Variants in AGBL1 observed in about 807,000 individuals in gnomAD.
AGBL1 encodes the protein AGBL carboxypeptidase 1.
In AGBL1, 130 loss-of-function variants were observed where a neutral mutation model predicts 118.9. The ratio of observed to expected loss-of-function variants is 1.09; its 90% CI spans 0.95 to 1.26. AGBL1 has a LOEUF of 1.26. Among genes scored for constraint, AGBL1 ranks in the 50% most tolerant of loss-of-function variants. AGBL1 has a pLI of 0.00. For synonymous variants in AGBL1, 555 were observed against 478.9 expected (o/e 1.16, Z -2.08); for missense variants, 1,584 against 1,298.1 (o/e 1.22, Z -3.38).
At chr15:86,315,365 C>T (rs2079986180) in intron 17 of AGBL1, among the ~76,000 whole-genome samples, 1 of 152,126 alleles carries the variant, frequency 6.6e-6, no homozygotes, top group Admixed American at 6.6e-5. Context: ...GCCTCAGTTT[C>T]ATCATCTGTA....
intron 16 of AGBL1, among the ~76,000 whole-genome samples, chr15:86,280,746 G>A (rs2079338698): frequency 6.6e-6 from 1 of 152,176 alleles, no homozygotes; most frequent in Non-Finnish European, 1.5e-5. Context: ...AAAGGAATGT[G>A]CAGGTATAAA....
intron 17 of AGBL1, among the ~76,000 whole-genome samples, chr15:86,326,580 T>C (rs1236898739): frequency 6.6e-6 from 1 of 152,236 alleles, no homozygotes; most frequent in Non-Finnish European, 1.5e-5. Context: ...TTTTCTTTTC[T>C]TTTCTTTTCT....
At chr15:86,213,221 A>G (rs1399564364) in intron 5 of AGBL1, among the ~76,000 whole-genome samples, 1 of 152,166 alleles carries the variant, frequency 6.6e-6, no homozygotes, top group Non-Finnish European at 1.5e-5. Context: ...ATGTTTATGA[A>G]ATCTTTTCTT....
intron 22 of AGBL1, among the ~76,000 whole-genome samples, chr15:86,814,245 C>A (rs2078830107): frequency 6.6e-6 from 1 of 152,172 alleles, no homozygotes; most frequent in Non-Finnish European, 1.5e-5. Flanking sequence ...TATGAAGGAT[C>A]TAGGTTGAGC....
chr15:87,026,100 G>A (rs968663594), intron 24 of AGBL1, among the ~76,000 whole-genome samples: 34 of 151,922 alleles, frequency 2.2e-4, no homozygotes, highest in Non-Finnish European at 2.1e-4. Context: ...GTTTAGGGAA[G>A]GATTTCATGA....
At chr15:86,795,418 C>T (rs2078555222) in intron 22 of AGBL1, among the ~76,000 whole-genome samples, 1 of 151,944 alleles carries the variant, frequency 6.6e-6, no homozygotes, top group Non-Finnish European at 1.5e-5. Flanking sequence ...GGAGCATTCC[C>T]TGAGGGTCCC....
chr15:86,466,233 C>T (rs972352199), intron 18 of AGBL1, among the ~76,000 whole-genome samples: 1 of 152,104 alleles, frequency 6.6e-6, no homozygotes, highest in Non-Finnish European at 1.5e-5. Flanking sequence ...TGCTTTATTT[C>T]ATTAAGTTGA....
chr15:86,440,961 G>A (rs1177669466), intron 18 of AGBL1, among the ~76,000 whole-genome samples: 3 of 152,156 alleles, frequency 2.0e-5, no homozygotes, highest in Non-Finnish European at 1.5e-5. Flanking sequence ...GTCAGGAGTG[G>A]ACATTGGGGT....
At chr15:86,771,113 G>C (rs961530360) in intron 22 of AGBL1, among the ~76,000 whole-genome samples, 1 of 151,998 alleles carries the variant, frequency 6.6e-6, no homozygotes, top group African/African-American at 2.4e-5. Context: ...AAGGAAGTTG[G>C]TCCCTGAATC....
intron 21 of AGBL1, among the ~76,000 whole-genome samples, chr15:86,560,043 T>A (rs889396371): frequency 2.0e-4 from 30 of 152,222 alleles, no homozygotes; most frequent in African/African-American, 6.8e-4. Flanking sequence ...CCAAGTTTTT[T>A]GCTGGGTATC....
chr15:86,459,906 C>T (rs558261510), intron 18 of AGBL1, among the ~76,000 whole-genome samples: 1 of 151,996 alleles, frequency 6.6e-6, no homozygotes, highest in Non-Finnish European at 1.5e-5. Flanking sequence ...CTACAGTGAC[C>T]AGTGATTTGC....
At chr15:86,989,349 C>T (rs921802389) in intron 24 of AGBL1, among the ~76,000 whole-genome samples, 10 of 152,084 alleles carry the variant, frequency 6.6e-5, no homozygotes, top group African/African-American at 2.4e-4. Context: ...ACTGTAAAGT[C>T]TGATGGATTT....
chr15:86,624,089 C>T (rs2084849868), intron 21 of AGBL1, among the ~76,000 whole-genome samples: 2 of 152,144 alleles, frequency 1.3e-5, no homozygotes, highest in Admixed American at 1.3e-4. Flanking sequence ...TAAACAAAAG[C>T]ATGGAAAGTC....
intron 1 of AGBL1, among the ~76,000 whole-genome samples, chr15:86,139,475 C>G (rs77161507): frequency 6.6e-6 from 1 of 152,122 alleles, no homozygotes; most frequent in Non-Finnish European, 1.5e-5. Flanking sequence ...TGTTTCTTGC[C>G]TCTGTGCTGT....
chr15:86,947,114 A>G (rs887038399), intron 23 of AGBL1, among the ~76,000 whole-genome samples: 1 of 152,196 alleles, frequency 6.6e-6, no homozygotes, highest in Non-Finnish European at 1.5e-5. Flanking sequence ...TCTGAAAATT[A>G]AATGCTAAAT....
rs1460820444 is a variant in AGBL1 at position 86,735,653 on chromosome 15, G to GATATAT, written c.3158+61218_3158+61219insTATATA. ...GTGTGTGTATTTCCTGCTACAAAGA[G>GATATAT]AGATATATATATATATTTTATTTGT... On this transcript the variant is annotated intron_variant, in intron 22 of 22. Coordinates refer to ENST00000614907, the MANE Select transcript of AGBL1 (RefSeq NM_001386094.1). Among the ~76,000 whole-genome samples the GATATAT allele has an allele frequency of 4.7e-4, 67 of 143,078 alleles. 2 individuals are homozygous for GATATAT. The highest frequency in any genetic ancestry group is 1.6e-3 in the African/African-American group (59 of 37,268). 93.9% of individuals were successfully genotyped at this position (143,078 alleles called of 152,430 possible).
At chr15:86,458,196 T>C (rs1013249706) in intron 18 of AGBL1, among the ~76,000 whole-genome samples, 1 of 152,152 alleles carries the variant, frequency 6.6e-6, no homozygotes, top group East Asian at 1.9e-4. Context: ...AGCCTGTTTT[T>C]CCAATATTTG....
intron 18 of AGBL1, among the ~76,000 whole-genome samples, chr15:86,436,843 G>C (rs1220461972): frequency 6.6e-6 from 1 of 152,144 alleles, no homozygotes; most frequent in African/African-American, 2.4e-5. Flanking sequence ...AACTGCTTAT[G>C]GTTCTGGAAA....
In AGBL1 at chr15:86,544,259, A is replaced by G. The variant is rs141072525; in HGVS notation, c.2686-1743A>G. 2.5e-3 allele frequency among the ~76,000 whole-genome samples: 387 copies of G among 152,256 alleles called. 10 individuals carry two copies. In the East Asian group the frequency reaches 0.051, roughly 20 times the overall value. On this transcript the variant is annotated intron_variant, in intron 19 of 22. Transcript: ENST00000614907. ...GGTTGGCTTGATATCAGCTAGGTCA[A>G]TCGGGATGACTTTGCAGAGAGTCTC... is the stretch of plus-strand genomic sequence containing the variant.
Sources: gnomAD v4.1 joint callset for allele counts (sites outside exome capture counted in the v4.1 genomes callset) on GRCh38, gnomAD v4.1.1 for gene constraint, MANE v1.5 for transcripts, NCBI Gene and HGNC (gene_info 2026-07-23, HGNC 2026-07-21) for gene names.